Variants in TMEM164 observed in about 807,000 individuals in gnomAD.
TMEM164 encodes transmembrane protein 164.
TMEM164 carries 4 observed loss-of-function variants against 18.8 expected under a neutral mutation model. That is an observed-to-expected ratio of 0.21 (90% CI 0.10 to 0.49). The LOEUF (loss-of-function observed/expected upper bound fraction) is 0.49. TMEM164 is among the 20% of genes least tolerant of loss of function. The probability of loss-of-function intolerance (pLI) is 0.98; values close to 1 mark genes in which losing one functional copy is unlikely to be tolerated. For missense variants in TMEM164, 108 were observed against 239.9 expected (o/e 0.45, Z 3.63); for synonymous variants, 86 against 101.7 (o/e 0.85, Z 0.93).
intron 3 of TMEM164, among the ~76,000 whole-genome samples, chrX:110,083,085 A>G (rs1197554753): frequency 9.0e-6 from 1 of 111,542 alleles, no homozygotes; most frequent in East Asian, 2.8e-4. Flanking sequence ...GGTCAAATTG[A>G]TTGATTTCTA....
chrX:110,066,436 G>A (rs750596822), intron 2 of TMEM164, among the ~76,000 whole-genome samples: 6 of 112,237 alleles, frequency 5.3e-5, no homozygotes, highest in Non-Finnish European at 7.5e-5. Flanking sequence ...TAGTAGTTCA[G>A]TCCAAGGGCA....
At chrX:110,110,045 AC>A (rs1294661497) in intron 4 of TMEM164, among the ~76,000 whole-genome samples, 1 of 112,038 alleles carries the variant, frequency 8.9e-6, no homozygotes, top group African/African-American at 3.2e-5. Context: ...TTTTCGCATA[AC>A]AGTGTTTGAG....
intron 2 of TMEM164, among the ~76,000 whole-genome samples, chrX:110,051,969 G>A (rs1428373219): frequency 2.7e-5 from 3 of 112,142 alleles, no homozygotes; most frequent in African/African-American, 6.5e-5. Context: ...CCTAGAAGTC[G>A]GTCTCCCAGA....
intron 5 of TMEM164, among the ~76,000 whole-genome samples, chrX:110,170,838 A>G (rs2067220639): frequency 1.8e-5 from 2 of 112,159 alleles, no homozygotes; most frequent in South Asian, 7.4e-4. Context: ...AACACTAAGA[A>G]GTAGGTAGTA....
chrX:110,009,696 T>C (rs1175233322), intron 2 of TMEM164, among the ~76,000 whole-genome samples: 1 of 111,769 alleles, frequency 8.9e-6, no homozygotes, highest in East Asian at 2.8e-4. Flanking sequence ...CCTATGTTCC[T>C]ATTAAGAGAA....
intron 6 of TMEM164, among the ~76,000 whole-genome samples, chrX:110,172,690 C>T (rs1464001174): frequency 8.9e-6 from 1 of 112,018 alleles, no homozygotes; most frequent in East Asian, 2.8e-4. Flanking sequence ...TCACCCCATT[C>T]CTCACCATAA....
chrX:110,030,109 T>G (rs12834129), intron 2 of TMEM164, among the ~76,000 whole-genome samples: 901 of 4,626 alleles, frequency 0.19, 11 homozygotes, highest in African/African-American at 0.35. Flanking sequence ...TCTCTGTCTG[T>G]TTTTTTTTTT....
chrX:110,064,096 C>A (rs937181303), intron 2 of TMEM164, among the ~76,000 whole-genome samples: 2 of 111,399 alleles, frequency 1.8e-5, no homozygotes, highest in African/African-American at 6.5e-5. Context: ...GCCTGCCTCC[C>A]AGGTGATGGG....
At chrX:110,106,362 C>G (rs1481575805) in intron 3 of TMEM164, among the ~76,000 whole-genome samples, 1 of 108,423 alleles carries the variant, frequency 9.2e-6, no homozygotes, top group Admixed American at 9.9e-5. Context: ...AAGCCTGGCA[C>G]CAGAATCCAG....
chrX:110,056,462 T>G, intron 2 of TMEM164, among the ~76,000 whole-genome samples: 1 of 112,484 alleles, frequency 8.9e-6, no homozygotes, highest in East Asian at 2.8e-4. Context: ...GCCTTTTGGC[T>G]ATTACAGATA....
chrX:110,004,044 G>A lies in TMEM164; in HGVS notation c.270G>A (p.Leu90=), dbSNP rs754590060. ...TQRPEEGKES[L]SKNLLLVALC... Reference sequence around the variant, plus strand: ...GGCCAGAGGAAGGCAAGGAGAGCCTGAGCAAGAATCTGCTCTTAGTAGCCC... The same window carrying A: ...GGCCAGAGGAAGGCAAGGAGAGCCTAAGCAAGAATCTGCTCTTAGTAGCCC... Residue 90 remains leucine, a synonymous_variant, in exon 2 of 7, where the codon CTG becomes CTA. Coordinates refer to ENST00000372068, the MANE Select transcript of TMEM164 (RefSeq NM_032227.4). 5.9e-4 allele frequency: 718 copies of A among 1,209,367 alleles called. 4 individuals carry two copies. The South Asian group carries it at 0.012, about 20-fold the overall frequency.
intron 3 of TMEM164, among the ~76,000 whole-genome samples, chrX:110,075,324 C>G (rs1183561898): frequency 2.7e-5 from 3 of 111,828 alleles, no homozygotes; most frequent in African/African-American, 9.7e-5. Flanking sequence ...TGAAACTTCA[C>G]TGAAGTTGTT....
chrX:110,088,339 A>T (rs988283502), intron 3 of TMEM164, among the ~76,000 whole-genome samples: 10 of 112,006 alleles, frequency 8.9e-5, no homozygotes, highest in Non-Finnish European at 1.5e-4. Flanking sequence ...TATGCAGTTA[A>T]AAAGGGACAG....
At chrX:110,088,370 G>A (rs1000935420) in intron 3 of TMEM164, among the ~76,000 whole-genome samples, 2 of 112,025 alleles carry the variant, frequency 1.8e-5, no homozygotes, top group African/African-American at 6.5e-5. Context: ...CCTTCACCTC[G>A]GAGGTGGCTG....
At chrX:110,153,357 A>C (rs1244037745) in intron 5 of TMEM164, among the ~76,000 whole-genome samples, 1 of 112,290 alleles carries the variant, frequency 8.9e-6, no homozygotes, top group Non-Finnish European at 1.9e-5. Context: ...CCTGTACTGC[A>C]AATTGCACAT....
intron 2 of TMEM164, among the ~76,000 whole-genome samples, chrX:110,033,732 A>AGG (rs1934630048): frequency 9.0e-6 from 1 of 111,361 alleles, no homozygotes. Context: ...AGGGCTCTTG[A>AGG]GGCAGAGAAT....
At chrX:110,035,657 C>T (rs1169810130) in intron 2 of TMEM164, among the ~76,000 whole-genome samples, 7 of 110,614 alleles carry the variant, frequency 6.3e-5, no homozygotes. Flanking sequence ...GCTACCATCA[C>T]CGCGGCCAGC....
At chrX:110,086,526 T>C (rs1602595897) in intron 3 of TMEM164, among the ~76,000 whole-genome samples, 1 of 110,539 alleles carries the variant, frequency 9.0e-6, no homozygotes, top group African/African-American at 3.3e-5. Context: ...ACAGTGTGAA[T>C]GTACTTAATG....
intron 5 of TMEM164, among the ~76,000 whole-genome samples, chrX:110,150,650 G>GT (rs775089279): frequency 1.8e-5 from 2 of 111,963 alleles, no homozygotes; most frequent in African/African-American, 6.5e-5. Flanking sequence ...CCCAGAGTTT[G>GT]TTTTTTTGCA....
Sources: gnomAD v4.1 joint callset for allele counts (sites outside exome capture counted in the v4.1 genomes callset) on GRCh38, gnomAD v4.1.1 for gene constraint, MANE v1.5 for transcripts, NCBI Gene and HGNC (gene_info 2026-07-23, HGNC 2026-07-21) for gene names.